The following CENPT variants were observed in gnomAD, a reference collection of about 807,000 sequenced individuals.
CENPT encodes centromere protein T, also known as interphase centromere complex protein 22.
A neutral mutation model predicts 59.7 loss-of-function variants in CENPT; 42 were observed. The ratio of observed to expected loss-of-function variants is 0.70; its 90% CI spans 0.55 to 0.91. The LOEUF (loss-of-function observed/expected upper bound fraction) is 0.91. Among genes scored for constraint, CENPT ranks in the 40% least tolerant of loss-of-function variants. CENPT has a pLI of 0.00. For synonymous variants in CENPT, 295 were observed against 289.6 expected (o/e 1.02, Z -0.19); for missense variants, 716 against 713.4 (o/e 1.00, Z -0.04).
Position 67,831,227 on chromosome 16 carries a change from A to G in CENPT, c.692T>C (p.Leu231Pro). 1 of 1,614,044 alleles carries G rather than the reference A, an allele frequency of 6.2e-7. No homozygotes were observed. Among genetic ancestry groups the G allele is most frequent in the Non-Finnish European group, 8.5e-7 (1 of 1,180,004 alleles). ...AFLRDLRDTSLAPPNIVLEDT... is the reference protein window; with the variant it reads ...AFLRDLRDTSPAPPNIVLEDT... ...AAACCCAACCTTACTTGGAGGAGCC[A>G]GGGAAGTATCTCGCAGATCCCGCAA... Residue 231 changes from leucine to proline, a missense_variant, in exon 10 of 16, where the codon CTG becomes CCG. By Grantham distance (98) the Leu-to-Pro change is moderately conservative (BLOSUM62 -3). Coordinates refer to ENST00000562787, the MANE Select transcript of CENPT (RefSeq NM_025082.4).
Position 67,832,294 on chromosome 16 carries a change from T to A in CENPT, c.223A>T (p.Ile75Phe). ...GARSVGRSAH[I>F]QASGHLEEQT... ...TCCTCCAAGTGCCCACTGGCCTGAA[T>A]ATGGGCCGATCTGCCAACAGACTAT... Residue 75 changes from isoleucine to phenylalanine, a missense_variant, in exon 6 of 16, where the codon ATT becomes TTT. Transcript: ENST00000562787. 1 of 1,614,148 alleles carries A rather than the reference T, an allele frequency of 6.2e-7. No individual in the cohort carries two copies. The highest frequency in any genetic ancestry group is 8.5e-7 in the Non-Finnish European group (1 of 1,180,006).
chr16:67,830,722 G>A lies in CENPT; in HGVS notation c.704-174C>T, dbSNP rs747735895. The A allele has an allele frequency of 7.9e-6, 5 of 629,174 alleles. No individual in the cohort carries two copies. In the South Asian group the frequency reaches 8.2e-5, roughly 10 times the overall value. The allele number at this position is 629,174 out of a possible 1,614,324, so 39.0% of individuals were successfully genotyped here. On this transcript the variant is annotated intron_variant, in intron 10 of 15. Coordinates refer to ENST00000562787, the MANE Select transcript of CENPT (RefSeq NM_025082.4). ...AGAGAAAGAAGACGACCTAGCACGC[G>A]AGGCCTTATCGCCTACAGCCCTCCT... is the stretch of plus-strand genomic sequence containing the variant.
At position 67,842,333 on chromosome 16, in the gene CENPT, G is replaced by A. The variant is rs2057767139; in HGVS notation, c.-492+5068C>T. The A allele has an allele frequency of 5.4e-6, 1 of 185,806 alleles. No individual in the cohort carries two copies. Among genetic ancestry groups the A allele is most frequent in the African/African-American group, 2.4e-5 (1 of 42,294 alleles). 11.5% of individuals were successfully genotyped at this position (185,806 alleles called of 1,614,324 possible). On this transcript the variant is annotated intron_variant, in intron 1 of 15. Transcript: ENST00000562787. This position sits in a 1 kb window ranked among gnomAD's most constrained non-coding sequence, Gnocchi z 4.9. ...CGCGGCGTCCCCGGGGCCCACTCCC[G>A]AGCGCAGGCGGGCAGCCAGGCGGGC...
At position 67,830,418 on chromosome 16, in the gene CENPT, C is replaced by G. The variant is rs1270275691; in HGVS notation, c.834G>C (p.Gln278His). Residue 278 changes from glutamine (Q) to histidine (H), a missense_variant, in exon 11 of 16, where the codon CAG (glutamine) becomes CAC (histidine). Transcript: ENST00000562787. ...DAEQAAGRKTQSSGPGLQKNS... is the reference protein window; with the variant it reads ...DAEQAAGRKTHSSGPGLQKNS... Reference sequence around the variant, plus strand: ...TCTTCTGCAGCCCAGGCCCACTGCTCTGTGTCTTGCGACCGGCAGCCTGCT... The same window carrying G: ...TCTTCTGCAGCCCAGGCCCACTGCTGTGTGTCTTGCGACCGGCAGCCTGCT... 6.2e-7 allele frequency: 1 copy of G among 1,613,826 alleles called. No homozygotes were observed. The highest frequency in any genetic ancestry group is 1.7e-5 in the Admixed American group (1 of 59,872).
At chr16:67,837,565 G>A (rs752665578) in intron 1 of CENPT, among the ~76,000 whole-genome samples, 8 of 151,982 alleles carry the variant, frequency 5.3e-5, no homozygotes, top group Non-Finnish European at 1.0e-4. Context: ...AAAATTAGCC[G>A]GGCACGATGG....
In CENPT at chr16:67,834,084, A is replaced by G; in HGVS notation, c.-225T>C. The G allele has an allele frequency of 2.2e-6, 1 of 447,972 alleles. No homozygotes were observed. Among genetic ancestry groups the G allele is most frequent in the East Asian group, 3.6e-5 (1 of 27,844 alleles). The allele number at this position is 447,972 out of a possible 1,614,324, so 27.7% of individuals were successfully genotyped here. A position where few individuals can be genotyped will look rare whatever the true frequency, so the allele number is the denominator to read the frequency against. On this transcript the variant is annotated 5_prime_UTR_variant, in exon 4 of 16. Coordinates refer to ENST00000562787, the MANE Select transcript of CENPT (RefSeq NM_025082.4). Reference sequence around the variant, plus strand: ...CGGTTAATGTAATGCAAGCAGCCCAAGTCTTGGCTTCTTCATCTGTAAATT... The same window carrying G: ...CGGTTAATGTAATGCAAGCAGCCCAGGTCTTGGCTTCTTCATCTGTAAATT...
rs1316488660 is a variant in CENPT at position 67,828,833 on chromosome 16, C to T, written c.1291G>A (p.Glu431Lys). The change falls in exon 14 of 16, where the codon GAG (glutamate) becomes AAG (lysine). Residue 431 changes from glutamate (E) to lysine (K), a missense_variant. Coordinates refer to ENST00000562787, the MANE Select transcript of CENPT (RefSeq NM_025082.4). ...PAPGAAVLSSEPAEPLLVRHP... is the reference protein window; with the variant it reads ...PAPGAAVLSSKPAEPLLVRHP... ...CTGACCAACAGAGGCTCTGCAGGCT[C>T]TGAAGATAAGCTGAGGGCAACAGTG... 5 of 1,581,510 alleles carry T rather than the reference C, an allele frequency of 3.2e-6. No individual in the cohort carries two copies. Among genetic ancestry groups the T allele is most frequent in the Non-Finnish European group, 4.3e-6 (5 of 1,171,450 alleles).
intron 1 of CENPT, among the ~76,000 whole-genome samples, chr16:67,841,246 G>A (rs1208834750): frequency 1.3e-5 from 2 of 150,132 alleles, no homozygotes; most frequent in Admixed American, 6.7e-5. Flanking sequence ...AGTTGAGGTG[G>A]GGGGAGGTGT....
chr16:67,829,676 G>A, intron 12 of CENPT, 89 bp downstream of exon 12: 2 of 1,439,164 alleles, frequency 1.4e-6, no homozygotes, highest in Non-Finnish European at 1.9e-6. Context: ...CACCACCAGT[G>A]CCCGGAAACA....
Position 67,843,455 on chromosome 16 carries a change from C to A in CENPT, c.-492+3946G>T. 1 of 1,613,550 alleles carries A rather than the reference C, an allele frequency of 6.2e-7. No homozygotes were observed. The highest frequency in any genetic ancestry group is 1.3e-5 in the African/African-American group (1 of 75,068). ...GCGCGAAGAACTGCGTGAGAAGGAT[C>A]GGCTGCTTGCCATGGCTGTCATCCG... On this transcript the variant is annotated intron_variant, in intron 1 of 15. Transcript: ENST00000562787. This position sits in a 1 kb window ranked among gnomAD's most constrained non-coding sequence, Gnocchi z 5.7.
chr16:67,844,875 G>GCCTC (rs1374744288), intron 1 of CENPT, among the ~76,000 whole-genome samples: 3 of 151,492 alleles, frequency 2.0e-5, no homozygotes, highest in African/African-American at 7.3e-5. Flanking sequence ...TGCAACCTCT[G>GCCTC]CCTCCCAGGT....
Position 67,828,550 on chromosome 16 carries a change from C to T in CENPT, c.1486G>A (p.Asp496Asn), listed in dbSNP as rs749623085. 1 of 1,614,204 alleles carries T rather than the reference C, an allele frequency of 6.2e-7. No homozygotes were observed. The highest frequency in any genetic ancestry group is 1.1e-5 in the South Asian group (1 of 91,076). ...CLDKYFQHLC[D>N]DLEVFAAHAG... ...TGAGCAGCAAATACCTCCAGATCAT[C>T]ACAAAGATGCTGGAAATATTTATCT... Residue 496 changes from aspartate to asparagine, a missense_variant, in exon 15 of 16, where the codon GAT becomes AAT. Asp to Asn is a conservative substitution (Grantham distance 23). Transcript: ENST00000562787.
intron 10 of CENPT, chr16:67,830,996 C>T (rs2057681720): frequency 1.6e-6 from 1 of 634,078 alleles, no homozygotes; most frequent in Non-Finnish European, 2.7e-6. Context: ...ACCTCCAGCC[C>T]TATAGTCTAA....
intron 1 of CENPT, among the ~76,000 whole-genome samples, 181 bp from the exon 2 acceptor site, chr16:67,835,839 GT>G (rs1209696434): frequency 6.7e-6 from 1 of 149,470 alleles, no homozygotes; most frequent in Non-Finnish European, 1.5e-5. Context: ...TTTTTTTTTT[GT>G]TTTTGTTTTT....
At chr16:67,834,428 T>C (rs1009699922) in intron 3 of CENPT, among the ~76,000 whole-genome samples, 1 of 151,832 alleles carries the variant, frequency 6.6e-6, no homozygotes, top group Non-Finnish European at 1.5e-5. Context: ...GGCAACACAG[T>C]GAGACCCCTG....
rs777261052 is a variant in CENPT at position 67,842,995 on chromosome 16, G to A, written c.-492+4406C>T. ...CTGCCCAGACTGCCCAGCTGCAGCC[G>A]AACCTGGTATCTGCTTCCGCGGCCG... On this transcript the variant is annotated intron_variant, in intron 1 of 15. Coordinates refer to ENST00000562787, the MANE Select transcript of CENPT (RefSeq NM_025082.4). This position sits in a 1 kb window ranked among gnomAD's most constrained non-coding sequence, Gnocchi z 4.9. 7 of 1,612,402 alleles carry A rather than the reference G, an allele frequency of 4.3e-6. No individual in the cohort carries two copies. In the Admixed American group the frequency reaches 5.0e-5, roughly 12 times the overall value.
chr16:67,831,944 G>A (rs2057694561), intron 7 of CENPT, 54 bp from the exon 8 acceptor site: 2 of 1,591,592 alleles, frequency 1.3e-6, no homozygotes, highest in Non-Finnish European at 8.5e-7. Flanking sequence ...TCTGGCTTTT[G>A]CAACCCCCAA....
intron 12 of CENPT, 107 bp downstream of exon 12, chr16:67,829,657 AC>A: frequency 1.5e-6 from 2 of 1,351,864 alleles, no homozygotes; most frequent in East Asian, 2.4e-5. Context: ...TGTCTCCCTG[AC>A]CCCCTACCAC....
At chr16:67,844,618 T>TG (rs1352685698) in intron 1 of CENPT, among the ~76,000 whole-genome samples, 2 of 152,298 alleles carry the variant, frequency 1.3e-5, no homozygotes, top group African/African-American at 4.8e-5. Context: ...TGTGAACCGG[T>TG]AAGAGCGCAG....
Sources: allele counts gnomAD v4.1 joint callset (sites outside exome capture counted in the v4.1 genomes callset), GRCh38; gene constraint gnomAD v4.1.1; non-coding constraint Gnocchi (gnomAD v3.1); transcripts MANE v1.5; gene names NCBI Gene and HGNC (gene_info 2026-07-23, HGNC 2026-07-21).